Variants in ZNF608 observed in about 807,000 individuals in gnomAD.
The protein encoded by ZNF608 is zinc finger protein 608.
In ZNF608, 12 loss-of-function variants were observed where a neutral mutation model predicts 109.0. The ratio of observed to expected loss-of-function variants is 0.11; its 90% CI spans 0.07 to 0.18. The LOEUF is 0.18. Ranked by LOEUF, ZNF608 falls within the 10% of genes least tolerant of loss-of-function variation. The pLI is 1.00. For missense variants in ZNF608, 1,707 were observed against 1,879.3 expected, an observed-to-expected ratio of 0.91 and a Z score of 1.70; for synonymous variants, 732 against 717.4, an observed-to-expected ratio of 1.02 and a Z score of -0.33.
At chr5:124,654,371 C>A (rs1750920299) in intron 3 of ZNF608, among the ~76,000 whole-genome samples, 1 of 152,212 alleles carries the variant, frequency 6.6e-6, no homozygotes, top group African/African-American at 2.4e-5. Context: ...AACCGTTCTT[C>A]ATGTCACATT....
At chr5:124,713,558 T>C (rs941844920) in intron 2 of ZNF608, among the ~76,000 whole-genome samples, 5 of 152,266 alleles carry the variant, frequency 3.3e-5, no homozygotes, top group African/African-American at 9.6e-5. Flanking sequence ...ATAATTGTCA[T>C]TGGATTTTAA....
intron 2 of ZNF608, among the ~76,000 whole-genome samples, chr5:124,739,461 T>A (rs1749287295): frequency 6.6e-6 from 1 of 152,196 alleles, no homozygotes; most frequent in Non-Finnish European, 1.5e-5. Flanking sequence ...AGAGTTGGCG[T>A]GAGAGCCTTT....
upstream of ZNF608, chr5:124,746,725 G>A (rs1429765966): frequency 2.0e-6 from 2 of 985,052 alleles, no homozygotes; most frequent in African/African-American, 1.7e-5. Flanking sequence ...GCTGGATTCC[G>A]CCTGTTAGTC....
chr5:124,680,744 AAAG>A (rs1358018694), intron 3 of ZNF608, among the ~76,000 whole-genome samples: 1 of 152,240 alleles, frequency 6.6e-6, no homozygotes, highest in Non-Finnish European at 1.5e-5. Context: ...CTGACAATAA[AAAG>A]AAGAAATTAG....
At chr5:124,706,005 A>ACCAGGTCC (rs1753244619) in intron 2 of ZNF608, among the ~76,000 whole-genome samples, 1 of 152,236 alleles carries the variant, frequency 6.6e-6, no homozygotes, top group Non-Finnish European at 1.5e-5. Context: ...GCCCTTCTGG[A>ACCAGGTCC]CTGACTGTGT....
At chr5:124,724,293 G>A (rs1214188917) in intron 2 of ZNF608, among the ~76,000 whole-genome samples, 1 of 152,034 alleles carries the variant, frequency 6.6e-6, no homozygotes, top group Non-Finnish European at 1.5e-5. Context: ...CTAGGGAACA[G>A]TCTGGGGGGC....
At chr5:124,720,724 A>T (rs1490830654) in intron 2 of ZNF608, among the ~76,000 whole-genome samples, 2 of 152,162 alleles carry the variant, frequency 1.3e-5, no homozygotes, top group East Asian at 1.9e-4. Flanking sequence ...TCATGTTCTT[A>T]CACAAATTTC....
intron 3 of ZNF608, among the ~76,000 whole-genome samples, chr5:124,672,856 C>A (rs7724734): frequency 0.29 from 44,736 of 152,018 alleles, 7,273 homozygotes; most frequent in African/African-American, 0.43. Context: ...GAGAAAACAA[C>A]TATGTCTCCT....
intron 8 of ZNF608, 110 bp downstream of exon 8, chr5:124,641,142 A>G (rs1750215825): frequency 2.2e-6 from 3 of 1,383,902 alleles, no homozygotes; most frequent in Admixed American, 1.7e-5. Flanking sequence ...AACCCTCCTG[A>G]GAGCTAATGT....
In ZNF608 at chr5:124,646,874, C is replaced by G. The variant is rs757019912; in HGVS notation, c.3510G>C (p.Gly1170=). 3.1e-6 allele frequency: 5 copies of G among 1,614,090 alleles called. No homozygotes were observed. Among genetic ancestry groups the G allele is most frequent in the Non-Finnish European group, 4.2e-6 (5 of 1,180,046 alleles). Residue 1170 remains glycine, a synonymous_variant, in exon 5 of 10, where the codon GGG becomes GGC. Transcript: ENST00000513986. ...PEPNKNHSKL[G]PSVPNKTEET... ...CCTCAGTTTTATTAGGCACTGATGG[C>G]CCTAGTTTAGAATGGTTTTTGTTAG...
At position 124,744,705 on chromosome 5, in the gene ZNF608, C is replaced by T. The variant is rs148188689; in HGVS notation, c.285G>A (p.Gly95=). 3 of 1,614,176 alleles carry T rather than the reference C, an allele frequency of 1.9e-6. No individual in the cohort carries two copies. The highest frequency in any genetic ancestry group is 1.1e-5 in the South Asian group (1 of 91,084). The change falls in exon 2 of 10, where the codon GGG becomes GGA. Residue 95 remains glycine, a synonymous_variant. Coordinates refer to ENST00000513986, the MANE Select transcript of ZNF608 (RefSeq NM_020747.3). The surrounding 1 kb of genome is among the most constrained non-coding windows in gnomAD (Gnocchi z 4.5). The stretch of plus-strand genomic sequence containing the variant: ...ATTTGCTGGTCTCTTTGTGTGAATT[C>T]CCCTGGGGAGCAGAGGCCTGAACAG... ...FASVQASAPQ[G]NSHKETSKSK...
intron 2 of ZNF608, among the ~76,000 whole-genome samples, chr5:124,726,278 T>C (rs1754135015): frequency 6.6e-6 from 1 of 152,030 alleles, no homozygotes. Flanking sequence ...ACTCTAGAGG[T>C]GACCTCTTCC....
At chr5:124,656,797 T>TG (rs1751028194) in intron 3 of ZNF608, among the ~76,000 whole-genome samples, 1 of 86,020 alleles carries the variant, frequency 1.2e-5, no homozygotes, top group Admixed American at 1.4e-4. Flanking sequence ...GAATAAGCCC[T>TG]AAACACACAC....
In ZNF608 at chr5:124,648,602, C is replaced by T; in HGVS notation, c.1782G>A (p.Lys594=). ...KLEFEPDSED[K]ISDCEEGLSN... Reference sequence around the variant, plus strand: ...TCAATCCTTCCTCACAGTCCGAGATCTTGTCCTCACTGTCAGGCTCGAACT... The same window carrying T: ...TCAATCCTTCCTCACAGTCCGAGATTTTGTCCTCACTGTCAGGCTCGAACT... Residue 594 remains lysine, a synonymous_variant, in exon 5 of 10, where the codon AAG becomes AAA. Transcript: ENST00000513986. 1 of 1,614,268 alleles carries T rather than the reference C, an allele frequency of 6.2e-7. No individual in the cohort carries two copies. Among genetic ancestry groups the T allele is most frequent in the Admixed American group, 1.7e-5 (1 of 60,036 alleles).
At chr5:124,745,261 A>G (rs1352748628) in intron 1 of ZNF608, 89 bp from the exon 2 acceptor site, 4 of 1,190,372 alleles carry the variant, frequency 3.4e-6, no homozygotes, top group Non-Finnish European at 3.2e-6. Flanking sequence ...AGTAAAGGGG[A>G]CAGGGAAGGA....
At chr5:124,708,721 A>C in intron 2 of ZNF608, 1 of 456,324 alleles carries the variant, frequency 2.2e-6, no homozygotes, top group South Asian at 1.5e-5. Flanking sequence ...TCAGGTATGA[A>C]GACCAACCCT....
chr5:124,693,974 C>CTTTTTTTTTT (rs746610497), intron 3 of ZNF608, among the ~76,000 whole-genome samples: 2,828 of 60,746 alleles, frequency 0.047, 1,059 homozygotes, highest in African/African-American at 0.11. Context: ...TTTCATTAAT[C>CTTTTTTTTTT]TTTTTTTTTT....
upstream of ZNF608, chr5:124,746,800 G>A: frequency 2.0e-6 from 2 of 985,030 alleles, no homozygotes; most frequent in Non-Finnish European, 2.4e-6. Flanking sequence ...AAGAGAAAAG[G>A]AGGGGGGGAG....
upstream of ZNF608, among the ~76,000 whole-genome samples, chr5:124,747,219 C>T (rs1302043519): frequency 2.7e-5 from 4 of 147,910 alleles, no homozygotes; most frequent in Non-Finnish European, 4.5e-5. Context: ...CCCTCTTATA[C>T]TCGCAGCAAA....
Sources: gnomAD v4.1 joint callset for allele counts (sites outside exome capture counted in the v4.1 genomes callset) on GRCh38, gnomAD v4.1.1 for gene constraint, Gnocchi (gnomAD v3.1) non-coding constraint, MANE v1.5 for transcripts, NCBI Gene and HGNC (gene_info 2026-07-23, HGNC 2026-07-21) for gene names.